GRIP1: variants seen among roughly 807,000 people sequenced by gnomAD.
GRIP1 encodes glutamate receptor-interacting protein 1.
Under a neutral mutation model 129.9 loss-of-function variants are expected in GRIP1, and 45 were observed. That is an observed-to-expected ratio of 0.35 (90% CI 0.27 to 0.44). The LOEUF is 0.44. Among genes scored for constraint, GRIP1 ranks in the 20% least tolerant of loss-of-function variants. The pLI, the probability that GRIP1 is intolerant of heterozygous loss-of-function variation, is 1.00. For missense variants in GRIP1, 1,196 were observed against 1,396.8 expected (o/e 0.86, Z 2.29); for synonymous variants, 530 against 520.8 (o/e 1.02, Z -0.24).
chr12:66,568,682 T>C, intron 2 of GRIP1: 1 of 230,588 alleles, frequency 4.3e-6, no homozygotes, highest in South Asian at 6.5e-5. Flanking sequence ...ATCAGCATTG[T>C]AGAATTCATC....
chr12:66,994,292 T>C (rs532437401), intron 1 of GRIP1, among the ~76,000 whole-genome samples: 1 of 151,790 alleles, frequency 6.6e-6, no homozygotes, highest in South Asian at 2.1e-4. Context: ...AATTATTATA[T>C]CATGACCAAG....
chr12:67,001,216 C>T lies in GRIP1; in HGVS notation c.58+67834G>A, dbSNP rs567290501. 3.3e-5 allele frequency among the ~76,000 whole-genome samples: 5 copies of T among 152,292 alleles called. No individual in the cohort carries two copies. In the South Asian group the frequency reaches 6.2e-4, roughly 19 times the overall value. On this transcript the variant is annotated intron_variant, in intron 1 of 1. Coordinates refer to the GRIP1 transcript ENST00000643019. ...AGTTCTGATTGTCTCTCCAGATTTG[C>T]TCTAGCTCAGCTCTTTGCCTTAAAA... is the stretch of plus-strand genomic sequence containing the variant.
At chr12:66,614,500 C>T (rs1318512399) in intron 1 of GRIP1, among the ~76,000 whole-genome samples, 1 of 152,036 alleles carries the variant, frequency 6.6e-6, no homozygotes, top group Admixed American at 6.6e-5. Context: ...ATTGCAAATC[C>T]ATTCCTTCTC....
intron 2 of GRIP1, among the ~76,000 whole-genome samples, chr12:66,594,260 G>A (rs966095871): frequency 6.6e-6 from 1 of 151,822 alleles, no homozygotes; most frequent in South Asian, 2.1e-4. Context: ...TTTCTCTAGA[G>A]GCATCTTTCC....
chr12:66,945,490 G>A (rs2041653570), intron 1 of GRIP1, among the ~76,000 whole-genome samples: 1 of 151,986 alleles, frequency 6.6e-6, no homozygotes, highest in Non-Finnish European at 1.5e-5. Context: ...TTCTGGGGAG[G>A]CCTTAGGAAG....
At chr12:66,497,741 A>G (rs898506699) in intron 7 of GRIP1, among the ~76,000 whole-genome samples, 2 of 152,236 alleles carry the variant, frequency 1.3e-5, no homozygotes, top group African/African-American at 4.8e-5. Context: ...AATGGAGAGG[A>G]GCAGGCTGAC....
intron 1 of GRIP1, among the ~76,000 whole-genome samples, chr12:66,880,519 T>G (rs1415945144): frequency 6.6e-6 from 1 of 152,146 alleles, no homozygotes; most frequent in Non-Finnish European, 1.5e-5. Context: ...GCAGAGAGAT[T>G]GCAGGCATAA....
At chr12:66,746,554 C>T (rs1227352728) in intron 1 of GRIP1, among the ~76,000 whole-genome samples, 3 of 152,268 alleles carry the variant, frequency 2.0e-5, no homozygotes, top group Admixed American at 2.0e-4. Context: ...TGTTAAGGCA[C>T]TAAGTGGGAA....
intron 1 of GRIP1, among the ~76,000 whole-genome samples, chr12:67,028,554 G>C (rs2042972778): frequency 6.6e-6 from 1 of 152,278 alleles, no homozygotes; most frequent in South Asian, 2.1e-4. Flanking sequence ...AATATAGCTA[G>C]CATATCCTAT....
chr12:66,662,723 T>C (rs904299095), intron 1 of GRIP1, among the ~76,000 whole-genome samples: 5 of 152,230 alleles, frequency 3.3e-5, no homozygotes, highest in African/African-American at 1.2e-4. Flanking sequence ...CTTGATATTC[T>C]ACCCTGTTTC....
At chr12:66,961,761 A>C (rs1245711997) in intron 1 of GRIP1, among the ~76,000 whole-genome samples, 3 of 152,186 alleles carry the variant, frequency 2.0e-5, no homozygotes, top group African/African-American at 7.2e-5. Flanking sequence ...AAGCTCCATG[A>C]GGGCAAGTGC....
At chr12:66,475,757 A>G (rs1417604850) in intron 7 of GRIP1, among the ~76,000 whole-genome samples, 1 of 152,248 alleles carries the variant, frequency 6.6e-6, no homozygotes, top group African/African-American at 2.4e-5. Context: ...GAAGGCAAAA[A>G]TAAAGATGTT....
intron 1 of GRIP1, among the ~76,000 whole-genome samples, chr12:66,651,561 A>G (rs1310501157): frequency 6.6e-6 from 1 of 152,208 alleles, no homozygotes; most frequent in Non-Finnish European, 1.5e-5. Flanking sequence ...TAGCTGCTGA[A>G]AGACTTTAAA....
chr12:66,823,378 G>A (rs1283290313), intron 1 of GRIP1, among the ~76,000 whole-genome samples: 1 of 152,076 alleles, frequency 6.6e-6, no homozygotes, highest in Non-Finnish European at 1.5e-5. Context: ...AAAATTCCTT[G>A]AGGATAGAGA....
chr12:66,838,570 A>C (rs928796162), intron 1 of GRIP1, among the ~76,000 whole-genome samples: 3 of 152,162 alleles, frequency 2.0e-5, no homozygotes, highest in Non-Finnish European at 2.9e-5. Context: ...ACTTAGACAT[A>C]ATAAAGCCAA....
intron 1 of GRIP1, among the ~76,000 whole-genome samples, chr12:66,631,838 G>A (rs1434383434): frequency 6.6e-6 from 1 of 152,220 alleles, no homozygotes; most frequent in Non-Finnish European, 1.5e-5. Context: ...AGCAGAACAT[G>A]TAACACTGAA....
At chr12:66,372,951 T>C (rs1027351076) in intron 22 of GRIP1, among the ~76,000 whole-genome samples, 2 of 152,176 alleles carry the variant, frequency 1.3e-5, no homozygotes, top group Non-Finnish European at 2.9e-5. Flanking sequence ...TGCCATGTGA[T>C]TTAGTTGTTT....
intron 1 of GRIP1, among the ~76,000 whole-genome samples, chr12:66,705,611 A>T (rs900598112): frequency 6.6e-6 from 1 of 152,152 alleles, no homozygotes; most frequent in Non-Finnish European, 1.5e-5. Flanking sequence ...AATCCTAAGC[A>T]AAAAGAACAA....
chr12:66,953,441 G>C (rs2041791444), intron 1 of GRIP1, among the ~76,000 whole-genome samples: 2 of 152,180 alleles, frequency 1.3e-5, no homozygotes, highest in South Asian at 4.1e-4. Context: ...CCTGTGAATT[G>C]GGTGGCAATG....
Sources: gnomAD v4.1 joint callset for allele counts (sites outside exome capture counted in the v4.1 genomes callset) on GRCh38, gnomAD v4.1.1 for gene constraint, MANE v1.5 for transcripts, NCBI Gene and HGNC (gene_info 2026-07-23, HGNC 2026-07-21) for gene names.